The following FHIP2A variants were observed in gnomAD, a reference collection of about 807,000 sequenced individuals.
FHIP2A encodes the protein FHF complex subunit HOOK interacting protein 2A, also known as family with sequence similarity 160 member B1.
Under a neutral mutation model 93.5 loss-of-function variants are expected in FHIP2A, and 46 were observed. The observed-to-expected ratio is 0.49, with a 90% confidence interval of 0.39 to 0.63. FHIP2A has a LOEUF of 0.63. Among genes scored for constraint, FHIP2A ranks in the 20% least tolerant of loss-of-function variants. The pLI is 0.00. For synonymous variants in FHIP2A, 332 were observed against 326.5 expected, an observed-to-expected ratio of 1.02 and a Z score of -0.18; for missense variants, 769 against 909.7, an observed-to-expected ratio of 0.85 and a Z score of 1.99.
chr10:114,832,320 G>A (rs1324489129), intron 2 of FHIP2A, among the ~76,000 whole-genome samples: 1 of 152,064 alleles, frequency 6.6e-6, no homozygotes, highest in South Asian at 2.1e-4. Flanking sequence ...ACAGCTATAC[G>A]TTAATGAGAG....
chr10:114,864,403 T>TA lies in FHIP2A; in HGVS notation c.*2867dup. 1 of 985,712 alleles carries TA rather than the reference T, an allele frequency of 1.0e-6. No homozygotes were observed. Among genetic ancestry groups the TA allele is most frequent in the Non-Finnish European group, 1.2e-6 (1 of 829,760 alleles). The allele number at this position is 985,712 out of a possible 1,614,324, so 61.1% of individuals were successfully genotyped here. ...CATGTCATTGTGACACTTTATGTGT[T>TA]AAAACATGGTAGATAATCACATTTT... On this transcript the variant is annotated 3_prime_UTR_variant, in exon 17 of 17. Coordinates refer to ENST00000369248, the MANE Select transcript of FHIP2A (RefSeq NM_020940.4).
chr10:114,866,144 C>T (rs1488245375), downstream of FHIP2A, among the ~76,000 whole-genome samples: 1 of 151,450 alleles, frequency 6.6e-6, no homozygotes, highest in Non-Finnish European at 1.5e-5. Context: ...GCCCCCAGCA[C>T]AGGCCCCAGT....
At chr10:114,867,941 A>AT (rs3981290), downstream of FHIP2A, among the ~76,000 whole-genome samples, 8,794 of 141,032 alleles carry the variant, frequency 0.062, 521 homozygotes, top group African/African-American at 0.14. Context: ...GTGCTTTATA[A>AT]TTTTTTTTTT....
chr10:114,862,912 A>G lies in FHIP2A; in HGVS notation c.*1372A>G. The G allele has an allele frequency of 1.0e-6, 1 of 985,404 alleles. No individual in the cohort carries two copies. Among genetic ancestry groups the G allele is most frequent in the Non-Finnish European group, 1.2e-6 (1 of 829,930 alleles). 61.0% of individuals were successfully genotyped at this position (985,404 alleles called of 1,614,324 possible). ...CCTCTAGGAAGTTATTTTATGTAGCATGTTTGCATATACGCATTGTGTGGC... is the reference window on the plus strand; with the variant it reads ...CCTCTAGGAAGTTATTTTATGTAGCGTGTTTGCATATACGCATTGTGTGGC... On this transcript the variant is annotated 3_prime_UTR_variant, in exon 17 of 17. Transcript: ENST00000369248.
At chr10:114,871,351 G>A (rs2143014231) in intron 16 of FHIP2A, among the ~76,000 whole-genome samples, 1 of 152,048 alleles carries the variant, frequency 6.6e-6, no homozygotes, top group African/African-American at 2.4e-5. Context: ...CCTAGAACCA[G>A]CCTCCTCTGG....
intron 1 of FHIP2A, among the ~76,000 whole-genome samples, chr10:114,829,514 G>A (rs537864426): frequency 3.3e-4 from 50 of 152,350 alleles, no homozygotes; most frequent in African/African-American, 1.1e-3. Flanking sequence ...AAGATAACTG[G>A]AGGTCACTTT....
At chr10:114,881,473 CAG>C (rs1410980955) in intron 16 of FHIP2A, among the ~76,000 whole-genome samples, 2 of 152,106 alleles carry the variant, frequency 1.3e-5, no homozygotes, top group Non-Finnish European at 2.9e-5. Context: ...AGCGGAGACT[CAG>C]AGAGGTTAAG....
At chr10:114,837,752 A>G (rs1172959815) in intron 5 of FHIP2A, among the ~76,000 whole-genome samples, 1 of 152,068 alleles carries the variant, frequency 6.6e-6, no homozygotes, top group African/African-American at 2.4e-5. Flanking sequence ...CCATCCCAAT[A>G]GTTTTCTCTT....
intron 15 of FHIP2A, 127 bp from the exon 16 acceptor site, chr10:114,861,104 A>G: frequency 8.1e-7 from 1 of 1,240,342 alleles, no homozygotes. Context: ...GTTAAAGATG[A>G]TTATATGAGT....
Position 114,864,121 on chromosome 10 carries a change from T to A in FHIP2A, c.*2581T>A. 7.2e-6 allele frequency: 7 copies of A among 978,792 alleles called. No homozygotes were observed. The highest frequency in any genetic ancestry group is 8.5e-6 in the Non-Finnish European group (7 of 823,520). 60.6% of individuals were successfully genotyped at this position (978,792 alleles called of 1,614,324 possible). On this transcript the variant is annotated 3_prime_UTR_variant, in exon 17 of 17. Transcript: ENST00000369248. ...TATTGTGTGTGTATATATGTATATA[T>A]GTATATATATAAGGACCAAAATTCT...
At chr10:114,833,658 C>T (rs185720658) in intron 3 of FHIP2A, among the ~76,000 whole-genome samples, 14 of 152,072 alleles carry the variant, frequency 9.2e-5, no homozygotes, top group Non-Finnish European at 1.9e-4. Context: ...AAAATAAACT[C>T]AAGTACGTGA....
At chr10:114,869,265 T>C (rs1326289043), downstream of FHIP2A, among the ~76,000 whole-genome samples, 1 of 152,246 alleles carries the variant, frequency 6.6e-6, no homozygotes, top group Non-Finnish European at 1.5e-5. Flanking sequence ...GAGAGCCATG[T>C]ACTGGAGATT....
intron 13 of FHIP2A, among the ~76,000 whole-genome samples, chr10:114,850,974 C>T (rs185508098): frequency 6.6e-6 from 1 of 152,296 alleles, no homozygotes; most frequent in East Asian, 1.9e-4. Context: ...AATGCAGTGG[C>T]ATGATCTCGG....
chr10:114,840,825 G>A (rs889308150), intron 5 of FHIP2A, among the ~76,000 whole-genome samples: 2 of 152,196 alleles, frequency 1.3e-5, no homozygotes, highest in Admixed American at 6.5e-5. Context: ...GAGTCATCAT[G>A]ATTTCCTGAT....
At chr10:114,860,952 A>C in intron 15 of FHIP2A, 63 bp downstream of exon 15, 1 of 1,456,960 alleles carries the variant, frequency 6.9e-7, no homozygotes, top group South Asian at 1.1e-5. Context: ...ATATGTTAAT[A>C]TCATTGTATG....
At chr10:114,823,122 T>TA (rs759532632) in intron 1 of FHIP2A, among the ~76,000 whole-genome samples, 44 of 152,236 alleles carry the variant, frequency 2.9e-4, no homozygotes, top group Non-Finnish European at 5.7e-4. Context: ...TAGGACACTT[T>TA]AAAATGTACA....
At position 114,833,263 on chromosome 10, in the gene FHIP2A, T is replaced by C. The variant is rs1161996696; in HGVS notation, c.155T>C (p.Ile52Thr). ...DDKAPVTDTN[I>T]PSHLEQMLDI... ...AAAGCCCCAGTGACCGATACAAATATTCCATCGCATCTGGAACAGATGTTA... is the reference window on the plus strand; with the variant it reads ...AAAGCCCCAGTGACCGATACAAATACTCCATCGCATCTGGAACAGATGTTA... Residue 52 changes from isoleucine (I) to threonine (T), a missense_variant, in exon 3 of 17, where the codon ATT becomes ACT. By Grantham distance (89) the Ile-to-Thr change is moderately conservative. Transcript: ENST00000369248. 2 of 1,612,382 alleles carry C rather than the reference T, an allele frequency of 1.2e-6. No individual in the cohort carries two copies. Among genetic ancestry groups the C allele is most frequent in the Admixed American group, 3.4e-5 (2 of 59,686 alleles).
At position 114,861,259 on chromosome 10, in the gene FHIP2A, A is replaced by C; in HGVS notation, c.2117A>C (p.Gln706Pro). 6.2e-7 allele frequency: 1 copy of C among 1,614,200 alleles called. No individual in the cohort carries two copies. The highest frequency in any genetic ancestry group is 8.5e-7 in the Non-Finnish European group (1 of 1,180,036). ...RVVGDLMLRI[Q>P]RIQDFTPKLL... ...GTTGGAGACCTTATGCTTCGAATCC[A>C]GCGTATTCAAGACTTTACTCCCAAG... is the stretch of plus-strand genomic sequence containing the variant. Residue 706 changes from glutamine to proline, a missense_variant, in exon 16 of 17, where the codon CAG becomes CCG. Coordinates refer to ENST00000369248, the MANE Select transcript of FHIP2A (RefSeq NM_020940.4).
At position 114,861,553 on chromosome 10, in the gene FHIP2A, A is replaced by C; in HGVS notation, c.*13A>C. The C allele has an allele frequency of 1.2e-6, 2 of 1,612,116 alleles. No individual in the cohort carries two copies. The highest frequency in any genetic ancestry group is 1.7e-6 in the Non-Finnish European group (2 of 1,179,774). ...CTCCACACCATAAATAACATCTTTC[A>C]TGTAACTGGGGGAACAGAACTACTG... On this transcript the variant is annotated 3_prime_UTR_variant, in exon 17 of 17. Coordinates refer to ENST00000369248, the MANE Select transcript of FHIP2A (RefSeq NM_020940.4).
Sources: allele counts gnomAD v4.1 joint callset (sites outside exome capture counted in the v4.1 genomes callset), GRCh38; gene constraint gnomAD v4.1.1; transcripts MANE v1.5; gene names NCBI Gene and HGNC (gene_info 2026-07-23, HGNC 2026-07-21).